The following WWOX variants were observed in gnomAD, a reference collection of about 807,000 sequenced individuals.
WWOX encodes WW domain-containing oxidoreductase.
In WWOX, 69 loss-of-function variants were observed where a neutral mutation model predicts 46.2. The ratio of observed to expected loss-of-function variants is 1.49; its 90% confidence interval spans 1.23 to 1.82. The LOEUF is 1.82. Ranked by LOEUF, WWOX falls within the 40% of genes most tolerant of loss-of-function variation. The pLI is 0.00. For synonymous variants in WWOX, 359 were observed against 202.6 expected (o/e 1.77, Z -6.56); for missense variants, 919 against 542.6 (o/e 1.69, Z -6.89).
At chr16:78,454,542 G>T (rs1255247193) in intron 8 of WWOX, among the ~76,000 whole-genome samples, 1 of 152,040 alleles carries the variant, frequency 6.6e-6, no homozygotes, top group Non-Finnish European at 1.5e-5. Context: ...TTTCACTTTT[G>T]TTGCCCAGGC....
chr16:78,526,557 A>T (rs2043473858), intron 8 of WWOX: 1 of 152,136 alleles, frequency 6.6e-6, no homozygotes, highest in South Asian at 2.1e-4. Context: ...ACCTGAATCT[A>T]GGGCAAACAG....
At chr16:78,944,879 T>G (rs1435786586) in intron 8 of WWOX, among the ~76,000 whole-genome samples, 1 of 152,056 alleles carries the variant, frequency 6.6e-6, no homozygotes, top group Non-Finnish European at 1.5e-5. Flanking sequence ...AGATTCTAAT[T>G]GAAAAACTTT....
intron 8 of WWOX, among the ~76,000 whole-genome samples, chr16:78,479,462 T>A (rs566312576): frequency 1.3e-5 from 2 of 152,360 alleles, no homozygotes; most frequent in Admixed American, 6.5e-5. Flanking sequence ...CTTTATGATT[T>A]ACCAAGTAAC....
intron 5 of WWOX, among the ~76,000 whole-genome samples, chr16:78,288,566 G>A (rs1597446744): frequency 6.6e-6 from 1 of 152,216 alleles, no homozygotes; most frequent in South Asian, 2.1e-4. Context: ...AGTCCTGTGT[G>A]CTTCCCCTTG....
chr16:78,610,394 A>C (rs1243506215), intron 8 of WWOX, among the ~76,000 whole-genome samples: 2 of 152,214 alleles, frequency 1.3e-5, no homozygotes, highest in East Asian at 3.8e-4. Context: ...TAAAGGAGAT[A>C]ACTATTTCTT....
At chr16:78,257,992 A>G (rs1176790271) in intron 5 of WWOX, among the ~76,000 whole-genome samples, 1 of 152,220 alleles carries the variant, frequency 6.6e-6, no homozygotes, top group Non-Finnish European at 1.5e-5. Flanking sequence ...CCAGAAAAAC[A>G]ACTATATTTA....
intron 8 of WWOX, chr16:79,004,820 C>CA (rs2047160651): frequency 6.6e-6 from 1 of 152,210 alleles, no homozygotes; most frequent in South Asian, 2.1e-4. Context: ...GCACAGCAGG[C>CA]ACTTGGGTTT....
chr16:78,758,672 C>T (rs957376037), intron 8 of WWOX, among the ~76,000 whole-genome samples: 4 of 152,118 alleles, frequency 2.6e-5, no homozygotes, highest in Admixed American at 1.3e-4. Context: ...TGGTTCCAAT[C>T]GTGTCCCCTT....
In WWOX at chr16:78,918,188, G is replaced by A. The variant is rs557837490; in HGVS notation, c.1057-293420G>A. On this transcript the variant is annotated intron_variant, in intron 8 of 8. Coordinates refer to ENST00000566780, the MANE Select transcript of WWOX (RefSeq NM_016373.4). ...CAGTGAGCTGTGATTGCACCAGCCT[G>A]GGTGACAAAGTGAGACCTTGTCTCA... 5.9e-5 allele frequency among the ~76,000 whole-genome samples: 9 copies of A among 152,204 alleles called. No homozygotes were observed. In the South Asian group the frequency reaches 1.9e-3, roughly 32 times the overall value.
At chr16:78,507,807 G>A (rs188227710) in intron 8 of WWOX, among the ~76,000 whole-genome samples, 17 of 152,206 alleles carry the variant, frequency 1.1e-4, no homozygotes, top group African/African-American at 4.1e-4. Flanking sequence ...TTAATAAGGC[G>A]TGAAAGATCC....
At chr16:78,246,752 T>C (rs2037827047) in intron 5 of WWOX, among the ~76,000 whole-genome samples, 1 of 152,210 alleles carries the variant, frequency 6.6e-6, no homozygotes, top group East Asian at 1.9e-4. Context: ...ATGAGTCCGT[T>C]CTTTTAACCT....
intron 8 of WWOX, among the ~76,000 whole-genome samples, chr16:79,081,294 G>A (rs1216737988): frequency 1.3e-5 from 2 of 152,122 alleles, no homozygotes; most frequent in Non-Finnish European, 2.9e-5. Context: ...CTCCTAGGGA[G>A]CTGGGATTAC....
intron 8 of WWOX, among the ~76,000 whole-genome samples, chr16:78,939,945 C>T (rs2045818728): frequency 6.6e-6 from 1 of 152,190 alleles, no homozygotes; most frequent in Non-Finnish European, 1.5e-5. Context: ...TGCCCCCACC[C>T]AGATAGAATA....
chr16:78,859,177 G>A (rs989420331), intron 8 of WWOX, among the ~76,000 whole-genome samples: 3 of 150,796 alleles, frequency 2.0e-5, no homozygotes, highest in African/African-American at 7.3e-5. Context: ...CTCCACCTTT[G>A]CAGAGAAGCA....
At chr16:78,764,675 T>C (rs974999079) in intron 8 of WWOX, among the ~76,000 whole-genome samples, 1 of 149,782 alleles carries the variant, frequency 6.7e-6, no homozygotes. Flanking sequence ...CAAGTGGCAG[T>C]CTAAGCCTCA....
At chr16:78,556,432 G>A (rs151274526) in intron 8 of WWOX, among the ~76,000 whole-genome samples, 15 of 152,268 alleles carry the variant, frequency 9.9e-5, no homozygotes, top group East Asian at 3.9e-4. Context: ...CACGGGGAAC[G>A]GTCAGGGAAT....
chr16:79,204,480 A>G (rs889111350), intron 8 of WWOX: 1 of 152,186 alleles, frequency 6.6e-6, no homozygotes, highest in Non-Finnish European at 1.5e-5. Flanking sequence ...TCTCAGAAAG[A>G]TAAAATAATT....
chr16:78,390,591 C>T (rs137864705), intron 6 of WWOX, among the ~76,000 whole-genome samples: 53 of 152,194 alleles, frequency 3.5e-4, no homozygotes, highest in African/African-American at 1.1e-3. Flanking sequence ...CATAAAAAAG[C>T]GAGAGATTTT....
At chr16:78,390,755 C>T (rs74483989) in intron 6 of WWOX, among the ~76,000 whole-genome samples, 1 of 152,108 alleles carries the variant, frequency 6.6e-6, no homozygotes, top group African/African-American at 2.4e-5. Flanking sequence ...TTCTTATCAC[C>T]CCCCATCTTC....
Sources: gnomAD v4.1 joint callset for allele counts (sites outside exome capture counted in the v4.1 genomes callset) on GRCh38, gnomAD v4.1.1 for gene constraint, MANE v1.5 for transcripts, NCBI Gene and HGNC (gene_info 2026-07-23, HGNC 2026-07-21) for gene names.